Variants in FUT8 observed in about 807,000 individuals in gnomAD.
The protein encoded by FUT8 is fucosyltransferase 8.
A neutral mutation model predicts 71.3 loss-of-function variants in FUT8; 29 were observed. The ratio of observed to expected loss-of-function variants is 0.41; its 90% CI spans 0.30 to 0.55. The LOEUF (loss-of-function observed/expected upper bound fraction) is 0.55, where lower values mean the gene tolerates loss of function less well. Among genes scored for constraint, FUT8 ranks in the 20% least tolerant of loss-of-function variants. FUT8 has a pLI of 0.34. For synonymous variants in FUT8, 254 were observed against 239.3 expected, an observed-to-expected ratio of 1.06 and a Z score of -0.57; for missense variants, 544 against 702.1, an observed-to-expected ratio of 0.77 and a Z score of 2.55.
At chr14:65,553,840 G>T (rs1004599457) in intron 2 of FUT8, among the ~76,000 whole-genome samples, 1 of 151,032 alleles carries the variant, frequency 6.6e-6, no homozygotes, top group Non-Finnish European at 1.5e-5. Flanking sequence ...TTACCTGAAA[G>T]ATTTTTCTCT....
chr14:65,741,599 T>G (rs1896504519), intron 10 of FUT8, among the ~76,000 whole-genome samples: 1 of 152,000 alleles, frequency 6.6e-6, no homozygotes, highest in Non-Finnish European at 1.5e-5. Flanking sequence ...TGACACCAAG[T>G]TATAAATTAG....
intron 2 of FUT8, among the ~76,000 whole-genome samples, chr14:65,496,122 GCCC>G (rs1352570857): frequency 1.3e-4 from 19 of 151,996 alleles, no homozygotes; most frequent in African/African-American, 4.4e-4. Context: ...CTCTTAGTTG[GCCC>G]CCTTGAGGCT....
At position 65,581,393 on chromosome 14, in the gene FUT8, A is replaced by C. The variant is rs368600676; in HGVS notation, c.203+19627A>C. ...AGTTAGTCTCAGGTACCTGGTATTT[A>C]CCCGTGAAGTAAACATTTATTATAT... is the stretch of plus-strand genomic sequence containing the variant. On this transcript the variant is annotated intron_variant, in intron 3 of 10. Transcript: ENST00000673929. Among the ~76,000 whole-genome samples the C allele has an allele frequency of 1.8e-4, 27 of 152,258 alleles. No homozygotes were observed. In the East Asian group the frequency reaches 5.2e-3, roughly 29 times the overall value.
intron 2 of FUT8, among the ~76,000 whole-genome samples, chr14:65,504,332 A>T (rs1450043862): frequency 6.6e-6 from 1 of 152,140 alleles, no homozygotes; most frequent in Non-Finnish European, 1.5e-5. Context: ...AAATGTAGGG[A>T]TATATATCTT....
At chr14:65,394,044 C>A in the FUT8 span, among the ~76,000 whole-genome samples, 2 of 152,200 alleles carry the variant, frequency 1.3e-5, no homozygotes, top group Non-Finnish European at 2.9e-5. Flanking sequence ...AAAACCTCCA[C>A]CTCCTGGGTT....
At chr14:65,402,025 G>A in the FUT8 span, among the ~76,000 whole-genome samples, 14 of 152,024 alleles carry the variant, frequency 9.2e-5, no homozygotes, top group Admixed American at 7.9e-4. Flanking sequence ...GTATCCGACA[G>A]TGTTTCAGCT....
At chr14:65,496,319 A>G (rs565436049) in intron 2 of FUT8, among the ~76,000 whole-genome samples, 2 of 152,170 alleles carry the variant, frequency 1.3e-5, no homozygotes, top group Admixed American at 1.3e-4. Context: ...ATTTTTAGCA[A>G]CCTCAACCCA....
the FUT8 span, among the ~76,000 whole-genome samples, chr14:65,381,555 C>T: frequency 5.9e-5 from 9 of 152,246 alleles, no homozygotes; most frequent in South Asian, 1.0e-3. Flanking sequence ...GTAACTATTC[C>T]GGGCCTCTTG....
chr14:65,730,290 T>C (rs1285805578), intron 9 of FUT8, among the ~76,000 whole-genome samples: 3 of 152,096 alleles, frequency 2.0e-5, no homozygotes, highest in African/African-American at 7.2e-5. Flanking sequence ...TGAAAAGGGG[T>C]TAAAATTAGC....
chr14:65,685,240 T>G (rs1893226298), intron 7 of FUT8, among the ~76,000 whole-genome samples: 1 of 152,202 alleles, frequency 6.6e-6, no homozygotes. Flanking sequence ...CTCCATTTCC[T>G]AATTCAAAAA....
intron 1 of FUT8, among the ~76,000 whole-genome samples, chr14:65,444,529 G>GGT (rs1455425530): frequency 8.5e-5 from 13 of 152,054 alleles, no homozygotes; most frequent in African/African-American, 2.9e-4. Context: ...CAACCCAAAT[G>GGT]GTAATGTACA....
intron 1 of FUT8, among the ~76,000 whole-genome samples, chr14:65,432,992 T>C (rs1251004159): frequency 1.3e-5 from 2 of 152,160 alleles, no homozygotes; most frequent in Admixed American, 1.3e-4. Context: ...AATTCTTTCT[T>C]GTGTGAAATC....
chr14:65,397,028 C>G, the FUT8 span, among the ~76,000 whole-genome samples: 17 of 152,246 alleles, frequency 1.1e-4, no homozygotes, highest in African/African-American at 3.9e-4. The surrounding 1 kb of genome is among the most constrained non-coding windows in gnomAD (Gnocchi z 4.2). Flanking sequence ...ATTTCTTGCT[C>G]ATGTCACAGT....
chr14:65,706,294 C>G (rs1883327275), intron 7 of FUT8, among the ~76,000 whole-genome samples: 1 of 152,168 alleles, frequency 6.6e-6, no homozygotes, highest in African/African-American at 2.4e-5. Context: ...CCCATACTCT[C>G]AGCCACTACA....
chr14:65,678,847 A>G (rs1019764267), intron 7 of FUT8, among the ~76,000 whole-genome samples: 5 of 152,190 alleles, frequency 3.3e-5, no homozygotes, highest in Admixed American at 3.3e-4. Flanking sequence ...AGGGCCTTTG[A>G]CTGAGAAAAC....
intron 1 of FUT8, among the ~76,000 whole-genome samples, chr14:65,424,308 A>G (rs1438173520): frequency 1.3e-5 from 2 of 152,076 alleles, no homozygotes; most frequent in African/African-American, 4.8e-5. Context: ...GTACAGTTAA[A>G]TTTATGTAGT....
rs1317255602 is a variant in FUT8 at position 65,742,324 on chromosome 14, G to A, written c.1642G>A (p.Gly548Arg). 3.1e-6 allele frequency: 5 copies of A among 1,612,806 alleles called. No individual in the cohort carries two copies. The highest frequency in any genetic ancestry group is 4.2e-6 in the Non-Finnish European group (5 of 1,179,294). ...GYSKGVNRKLGRTGLYPSYKV... is the reference protein window; with the variant it reads ...GYSKGVNRKLRRTGLYPSYKV... ...TTCTAAAGGTGTCAACAGGAAATTG[G>A]GAAGGACGGGCCTATATCCCTCCTA... Residue 548 changes from glycine (G) to arginine (R), a missense_variant, in exon 11 of 11, where the codon GGA (glycine) becomes AGA (arginine). By Grantham distance (125) the Gly-to-Arg change is moderately radical. Transcript: ENST00000673929.
chr14:65,495,827 AT>A (rs1308064190), intron 2 of FUT8, among the ~76,000 whole-genome samples: 1 of 152,262 alleles, frequency 6.6e-6, no homozygotes, highest in East Asian at 1.9e-4. Context: ...GTAAGGAGGT[AT>A]TTTGGAAACC....
intron 2 of FUT8, among the ~76,000 whole-genome samples, chr14:65,476,637 ATTTTTTTTTTTTT>A (rs200882761): frequency 1.0e-4 from 13 of 125,150 alleles, no homozygotes; most frequent in African/African-American, 3.1e-4. Context: ...AAAGAAGTAG[ATTTTTTTTTTTTT>A]TTTTTTTTTT....
Sources: gnomAD v4.1 joint callset for allele counts (sites outside exome capture counted in the v4.1 genomes callset) on GRCh38, gnomAD v4.1.1 for gene constraint, Gnocchi (gnomAD v3.1) non-coding constraint, MANE v1.5 for transcripts, NCBI Gene and HGNC (gene_info 2026-07-23, HGNC 2026-07-21) for gene names.